Variants in DMD observed in about 807,000 individuals in gnomAD.
DMD encodes the protein mutant dystrophin.
In DMD, 63 loss-of-function variants were observed where a neutral mutation model predicts 330.1. The ratio of observed to expected loss-of-function variants is 0.19; its 90% CI spans 0.16 to 0.24. DMD has a LOEUF of 0.24. Among genes scored for constraint, DMD ranks in the 10% least tolerant of loss-of-function variants. The pLI, the probability that DMD is intolerant of heterozygous loss-of-function variation, is 1.00. For missense variants in DMD, 3,344 were observed against 2,684.1 expected (o/e 1.25, Z -5.43); for synonymous variants, 1,223 against 959.8 (o/e 1.27, Z -5.07).
intron 63 of DMD, among the ~76,000 whole-genome samples, chrX:31,252,326 C>T (rs753455152): frequency 1.3e-4 from 15 of 111,910 alleles, no homozygotes; most frequent in Middle Eastern, 4.6e-3. Flanking sequence ...TTAATTATGC[C>T]GATAAAGCAG....
chrX:32,203,031 T>G (rs1422643878), intron 44 of DMD, among the ~76,000 whole-genome samples: 1 of 111,724 alleles, frequency 9.0e-6, no homozygotes, highest in Non-Finnish European at 1.9e-5. Context: ...TACCGTGTAA[T>G]GTCCTTTGCA....
rs959934028 is a variant in DMD, at chrX:31,898,949, C to T, written c.6913-23576G>A. Among the ~76,000 whole-genome samples the T allele has an allele frequency of 8.9e-5, 10 of 112,217 alleles. No homozygotes were observed. The South Asian group carries it at 2.2e-3, about 25-fold the overall frequency. ...TTTAGTTAATTAACTTAACCATTTT[C>T]ATTAGCAGACTCAGTATTGACTTTA... On this transcript the variant is annotated intron_variant, in intron 47 of 78. Transcript: ENST00000357033.
intron 43 of DMD, among the ~76,000 whole-genome samples, chrX:32,218,756 G>C (rs1443447339): frequency 2.7e-5 from 3 of 111,695 alleles, no homozygotes; most frequent in Non-Finnish European, 3.8e-5. Flanking sequence ...GGAGAAAACA[G>C]AGGCCAAGTA....
chrX:31,468,065 T>C (rs181409698), intron 59 of DMD, among the ~76,000 whole-genome samples: 1 of 111,971 alleles, frequency 8.9e-6, no homozygotes, highest in East Asian at 2.8e-4. Context: ...TTTTCTTCTT[T>C]ATTAGTCTGG....
At chrX:32,200,552 T>C (rs2097030560) in intron 44 of DMD, among the ~76,000 whole-genome samples, 1 of 110,311 alleles carries the variant, frequency 9.1e-6, no homozygotes, top group African/African-American at 3.4e-5. Flanking sequence ...CATGTAACAA[T>C]CAATTTCACA....
chrX:31,716,132 T>C (rs1438885534), intron 52 of DMD, among the ~76,000 whole-genome samples: 1 of 112,570 alleles, frequency 8.9e-6, no homozygotes, highest in African/African-American at 3.2e-5. Context: ...AAATTCCTAA[T>C]CTATGGCATT....
chrX:31,540,262 T>C (rs2073722101), intron 55 of DMD, among the ~76,000 whole-genome samples: 1 of 112,287 alleles, frequency 8.9e-6, no homozygotes, highest in Non-Finnish European at 1.9e-5. Context: ...GTCTAAAAGA[T>C]GCTTATCACT....
intron 1 of DMD, among the ~76,000 whole-genome samples, chrX:33,181,154 ATTATTGAAAG>A (rs985214591): frequency 1.2e-4 from 13 of 111,360 alleles, no homozygotes; most frequent in African/African-American, 2.9e-4. Context: ...AATTAATCCA[ATTATTGAAAG>A]TTTCAGCACC....
chrX:32,087,740 T>C (rs1329764129), intron 44 of DMD, among the ~76,000 whole-genome samples: 2 of 111,871 alleles, frequency 1.8e-5, no homozygotes, highest in Non-Finnish European at 3.8e-5. Flanking sequence ...TAAAAGCCAA[T>C]CTATGACTAC....
Position 32,463,511 on chromosome X carries a change from C to T in DMD, c.3360G>A (p.Glu1120=), listed in dbSNP as rs754467083. The T allele has an allele frequency of 1.7e-5, 20 of 1,202,808 alleles. No individual in the cohort carries two copies. In the East Asian group the frequency reaches 5.1e-4, roughly 31 times the overall value. Reference sequence around the variant, plus strand: ...TCTCAAGTCTCGAAGCAAACTCTGGCTCTGCTTCATTCTTTATCTTCTGCC... The same window carrying T: ...TCTCAAGTCTCGAAGCAAACTCTGGTTCTGCTTCATTCTTTATCTTCTGCC... ...EGGQKIKNEA[E]PEFASRLETE... is the part of the protein sequence containing the mutation. Residue 1120 remains glutamate (E), a synonymous_variant, in exon 25 of 79, where the codon GAG becomes GAA. Coordinates refer to ENST00000357033, the MANE Select transcript of DMD (RefSeq NM_004006.3).
At chrX:32,944,502 A>G (rs1223927540) in intron 2 of DMD, among the ~76,000 whole-genome samples, 1 of 111,479 alleles carries the variant, frequency 9.0e-6, no homozygotes, top group Non-Finnish European at 1.9e-5. Context: ...TTCATAGTCC[A>G]TCTCTATCCA....
chrX:32,444,977 G>A (rs182794953), intron 27 of DMD, among the ~76,000 whole-genome samples: 20 of 111,155 alleles, frequency 1.8e-4, no homozygotes, highest in African/African-American at 5.5e-4. Flanking sequence ...TGAAAGGTAC[G>A]GAGTATAGGT....
intron 45 of DMD, among the ~76,000 whole-genome samples, chrX:31,962,746 C>A (rs951881552): frequency 1.8e-5 from 2 of 111,516 alleles, no homozygotes; most frequent in Non-Finnish European, 3.8e-5. Flanking sequence ...AGGATTCAGC[C>A]TGTGGGTACT....
At chrX:32,792,363 A>G (rs746860193) in intron 7 of DMD, among the ~76,000 whole-genome samples, 5 of 111,725 alleles carry the variant, frequency 4.5e-5, no homozygotes, top group South Asian at 3.8e-4. Context: ...TGTTACCACT[A>G]AAGAATACCA....
chrX:32,507,828 A>G (rs1046312983), intron 18 of DMD, among the ~76,000 whole-genome samples: 3 of 111,562 alleles, frequency 2.7e-5, no homozygotes, highest in African/African-American at 9.8e-5. Flanking sequence ...ACCATTTTAT[A>G]CAAGAGAAAA....
intron 2 of DMD, 119 bp from the exon 3 acceptor site, chrX:32,849,939 T>C: frequency 1.7e-6 from 1 of 598,102 alleles, no homozygotes; most frequent in Non-Finnish European, 2.7e-6. Flanking sequence ...GCATAATTAA[T>C]CTGCCGAAGA....
In DMD at chrX:31,679,285, T is replaced by TA. The variant is rs1267764937; in HGVS notation, c.7872+89dup. 4.9e-6 allele frequency: 4 copies of TA among 818,512 alleles called. No individual in the cohort carries two copies. In the African/African-American group the frequency reaches 6.1e-5, roughly 13 times the overall value. 67.5% of individuals were successfully genotyped at this position (818,512 alleles called of 1,213,427 possible). A position where few individuals can be genotyped will look rare whatever the true frequency, so the allele number is the denominator to read the frequency against. Reference sequence around the variant, plus strand: ...TAACGTGATTTTCTGTTAATAACTTTACATTAAACATCATTAAATTACAAT... The same window carrying TA: ...TAACGTGATTTTCTGTTAATAACTTTAACATTAAACATCATTAAATTACAAT... On this transcript the variant is annotated intron_variant, in intron 53 of 78. Coordinates refer to ENST00000357033, the MANE Select transcript of DMD (RefSeq NM_004006.3).
intron 1 of DMD, among the ~76,000 whole-genome samples, chrX:33,206,252 C>G (rs746039284): frequency 1.2e-3 from 131 of 112,045 alleles, no homozygotes; most frequent in Non-Finnish European, 2.1e-3. Context: ...ATCAATTCAT[C>G]AATTTGCTAG....
chrX:32,709,130 T>A (rs1474654060), intron 7 of DMD, among the ~76,000 whole-genome samples: 2 of 111,985 alleles, frequency 1.8e-5, no homozygotes, highest in Admixed American at 1.9e-4. Context: ...GTTTGGAGTT[T>A]CTGGCTTCCA....
Sources: gnomAD v4.1 joint callset for allele counts (sites outside exome capture counted in the v4.1 genomes callset) on GRCh38, gnomAD v4.1.1 for gene constraint, MANE v1.5 for transcripts, NCBI Gene and HGNC (gene_info 2026-07-23, HGNC 2026-07-21) for gene names.